Variants in HMGCL observed in about 807,000 individuals in gnomAD.
The protein encoded by HMGCL is hydroxymethylglutaryl-CoA lyase, mitochondrial.
HMGCL carries 26 observed loss-of-function variants against 37.3 expected under a neutral mutation model. That is an observed-to-expected ratio of 0.70 (90% CI 0.51 to 0.97). HMGCL has a LOEUF of 0.97. Ranked by LOEUF, HMGCL falls within the 50% of genes least tolerant of loss-of-function variation. The pLI, the probability that HMGCL is intolerant of heterozygous loss-of-function variation, is 0.00. For missense variants in HMGCL, 379 were observed against 398.1 expected (o/e 0.95, Z 0.41); for synonymous variants, 151 against 148.0 (o/e 1.02, Z -0.15).
At chr1:23,811,256 G>T (rs1163655563) in intron 5 of HMGCL, among the ~76,000 whole-genome samples, 1 of 152,162 alleles carries the variant, frequency 6.6e-6, no homozygotes, top group Non-Finnish European at 1.5e-5. Flanking sequence ...GAGGACCAAG[G>T]GATGAGCTGC....
At chr1:23,824,084 G>A (rs1473989841) in intron 1 of HMGCL, among the ~76,000 whole-genome samples, 1 of 152,156 alleles carries the variant, frequency 6.6e-6, no homozygotes, top group Non-Finnish European at 1.5e-5. Flanking sequence ...TTCCTCCTCT[G>A]TAAAGCTCTG....
intron 1 of HMGCL, among the ~76,000 whole-genome samples, chr1:23,823,308 C>A (rs917277506): frequency 1.3e-5 from 2 of 150,564 alleles, no homozygotes; most frequent in African/African-American, 2.4e-5. Context: ...AGTTTTTAAA[C>A]ACTTAATATT....
chr1:23,803,129 G>C (rs761802832), intron 8 of HMGCL, among the ~76,000 whole-genome samples: 1 of 152,158 alleles, frequency 6.6e-6, no homozygotes, highest in Non-Finnish European at 1.5e-5. Context: ...CTGCCTCCCG[G>C]GTTCAAGTGA....
chr1:23,803,868 C>T (rs78757631), intron 8 of HMGCL: 3,318 of 156,388 alleles, frequency 0.021, 100 homozygotes, highest in African/African-American at 0.071. Context: ...AGCTGTCTAA[C>T]GCTACTGTCC....
chr1:23,803,234 A>G (rs1638326269), intron 8 of HMGCL, among the ~76,000 whole-genome samples: 1 of 142,380 alleles, frequency 7.0e-6, no homozygotes. Flanking sequence ...AGGGAGTCTC[A>G]CTGTGTCGCC....
intron 4 of HMGCL, chr1:23,816,469 A>G (rs184291227): frequency 1.6e-6 from 1 of 640,558 alleles, no homozygotes; most frequent in East Asian, 2.7e-5. Context: ...TTCAGGTACT[A>G]TCATTTAGCC....
chr1:23,810,449 G>C (rs533400761), intron 6 of HMGCL: 20 of 426,510 alleles, frequency 4.7e-5, no homozygotes, highest in African/African-American at 3.9e-4. Flanking sequence ...TCCTGGGTAA[G>C]GAGCCCCTCC....
intron 3 of HMGCL, among the ~76,000 whole-genome samples, chr1:23,817,074 A>T (rs574358569): frequency 2.0e-5 from 3 of 152,212 alleles, no homozygotes; most frequent in African/African-American, 4.8e-5. Flanking sequence ...CCAGGCACTG[A>T]GCTCAGCTCT....
At chr1:23,810,596 G>A (rs1638501873) in intron 6 of HMGCL, 140 bp downstream of exon 6, 1 of 739,354 alleles carries the variant, frequency 1.4e-6, no homozygotes, top group African/African-American at 1.7e-5. Context: ...TGTGCTCACA[G>A]CAGGAGCTTA....
In HMGCL at chr1:23,818,558, T is replaced by A. The variant is rs562530992; in HGVS notation, c.145-975A>T. ...CTCTAACTTAATCTTTCCACAAAAT[T>A]TTTTTTTTTTTGAGATGGAGTCTCA... On this transcript the variant is annotated intron_variant, in intron 2 of 8. Coordinates refer to ENST00000374490, the MANE Select transcript of HMGCL (RefSeq NM_000191.3). 2.3e-3 allele frequency among the ~76,000 whole-genome samples: 341 copies of A among 150,666 alleles called. 1 individual carries two copies. The highest frequency in any genetic ancestry group is 0.014 in the Middle Eastern group (4 of 290).
intron 1 of HMGCL, among the ~76,000 whole-genome samples, chr1:23,824,956 C>G (rs1164963833): frequency 1.3e-5 from 2 of 152,154 alleles, no homozygotes; most frequent in African/African-American, 2.4e-5. Context: ...CCCCAAGCAT[C>G]TCTAAAAGCA....
At chr1:23,821,324 T>C (rs1253319058) in intron 1 of HMGCL, among the ~76,000 whole-genome samples, 2 of 151,302 alleles carry the variant, frequency 1.3e-5, no homozygotes, top group African/African-American at 2.4e-5. Context: ...GCCACTGTAC[T>C]CCACCTTGGG....
rs139449247 is a variant in HMGCL at position 23,823,025 on chromosome 1, A to C, written c.60+2331T>G. ...GCCCTATCTCTACTAAAAACACATA[A>C]ATTAGCTAGGCATGGCAGCAGGTGC... On this transcript the variant is annotated intron_variant, in intron 1 of 8. Transcript: ENST00000374490. Among the ~76,000 whole-genome samples, 67 of 151,974 alleles carry C rather than the reference A, an allele frequency of 4.4e-4. No individual in the cohort carries two copies. In the East Asian group the frequency reaches 0.012, roughly 28 times the overall value.
chr1:23,822,014 C>G (rs891837665), intron 1 of HMGCL, among the ~76,000 whole-genome samples: 1 of 152,190 alleles, frequency 6.6e-6, no homozygotes, highest in African/African-American at 2.4e-5. Context: ...AGAATGCCTA[C>G]TCAATGTCTC....
Position 23,801,907 on chromosome 1 carries a change from T to G in HMGCL, c.*556A>C. ...GAATTATGATGTGCCATTCAACCTT[T>G]AATTACATAAGCTGTTTTCAAAAAT... On this transcript the variant is annotated 3_prime_UTR_variant, in exon 9 of 9. Transcript: ENST00000374490. 1 of 419,580 alleles carries G rather than the reference T, an allele frequency of 2.4e-6. No individual in the cohort carries two copies. Among genetic ancestry groups the G allele is most frequent in the Admixed American group, 3.8e-5 (1 of 26,034 alleles). The allele number at this position is 419,580 out of a possible 1,614,324, so 26.0% of individuals were successfully genotyped here.
chr1:23,825,378 A>C lies in HMGCL; in HGVS notation c.38T>G (p.Val13Gly). 1 of 1,561,578 alleles carries C rather than the reference A, an allele frequency of 6.4e-7. No homozygotes were observed. The highest frequency in any genetic ancestry group is 8.7e-7 in the Non-Finnish European group (1 of 1,153,602). ...TACAGCCCGGAGGGACGCCAAGCCCACCAGTCGCCGCGGAAGCGCCTTCCT... is the reference window on the plus strand; with the variant it reads ...TACAGCCCGGAGGGACGCCAAGCCCCCCAGTCGCCGCGGAAGCGCCTTCCT... ...AMRKALPRRLVGLASLRAVST... is the reference protein window; with the variant it reads ...AMRKALPRRLGGLASLRAVST... The change falls in exon 1 of 9, where the codon GTG becomes GGG. Residue 13 changes from valine (V) to glycine (G), a missense_variant. Val to Gly is a moderately radical substitution (Grantham distance 109). Transcript: ENST00000374490.
rs1287973337 is a variant in HMGCL at position 23,804,451 on chromosome 1, G to A, written c.825C>T (p.Asn275=). The A allele has an allele frequency of 1.2e-6, 2 of 1,614,056 alleles. No individual in the cohort carries two copies. Among genetic ancestry groups the A allele is most frequent in the Admixed American group, 3.3e-5 (2 of 59,996 alleles). Residue 275 remains asparagine (N), a synonymous_variant, in exon 8 of 9, where the codon AAC becomes AAT. Transcript: ENST00000374490. ...GCPYAQGASG[N]LATEDLVYML... is the part of the protein sequence containing the mutation. ...TGTAGACCAGGTCTTCTGTGGCCAAGTTTCCTGATGCCCCCTGTGCGTAGG... is the reference window on the plus strand; with the variant it reads ...TGTAGACCAGGTCTTCTGTGGCCAAATTTCCTGATGCCCCCTGTGCGTAGG...
At chr1:23,808,378 A>G (rs557937062) in intron 6 of HMGCL, 55 bp from the exon 7 acceptor site, 4 of 1,472,158 alleles carry the variant, frequency 2.7e-6, no homozygotes, top group East Asian at 4.5e-5. Context: ...CAGGGGATCC[A>G]TGCACTCAGA....
Position 23,808,339 on chromosome 1 carries a change from G to A in HMGCL, c.562-16C>T. 2 of 1,611,098 alleles carry A rather than the reference G, an allele frequency of 1.2e-6. No homozygotes were observed. The highest frequency in any genetic ancestry group is 1.7e-6 in the Non-Finnish European group (2 of 1,177,344). ...TCTTGGTGACCTAAGGAAGCAAGCA[G>A]GCACTTGGAGGATACAGAATCCACC... On this transcript the variant is annotated splice_polypyrimidine_tract_variant and intron_variant, in intron 6 of 8. Transcript: ENST00000374490.
Sources: gnomAD v4.1 joint callset for allele counts (sites outside exome capture counted in the v4.1 genomes callset) on GRCh38, gnomAD v4.1.1 for gene constraint, MANE v1.5 for transcripts, NCBI Gene and HGNC (gene_info 2026-07-23, HGNC 2026-07-21) for gene names.